Variants in GALK2 observed in about 807,000 individuals in gnomAD.
GALK2 encodes galactokinase 2.
A neutral mutation model predicts 52.4 loss-of-function variants in GALK2; 36 were observed. The ratio of observed to expected loss-of-function variants is 0.69; its 90% CI spans 0.53 to 0.91. The LOEUF is 0.91. GALK2 is among the 40% of genes least tolerant of loss of function. The pLI is 0.00. For missense variants in GALK2, 579 were observed against 559.1 expected (o/e 1.04, Z -0.36); for synonymous variants, 176 against 199.1 (o/e 0.88, Z 0.98).
intron 1 of GALK2, among the ~76,000 whole-genome samples, chr15:49,186,667 T>A (rs973087374): frequency 6.6e-6 from 1 of 151,466 alleles, no homozygotes; most frequent in African/African-American, 2.4e-5. Context: ...AACCTCCGAG[T>A]AGCTGGGACT....
chr15:49,344,689 T>A (rs111379796), intron 3 of GALK2, among the ~76,000 whole-genome samples: 2,067 of 152,290 alleles, frequency 0.014, 30 homozygotes, highest in Middle Eastern at 0.068. Flanking sequence ...AAACAAGAAG[T>A]CTGCAATCTC....
chr15:49,159,325 C>T (rs1005466174), intron 1 of GALK2, among the ~76,000 whole-genome samples: 1 of 152,074 alleles, frequency 6.6e-6, no homozygotes, highest in Non-Finnish European at 1.5e-5. Flanking sequence ...CCTGTAATCC[C>T]AGCACTTTGG....
At chr15:49,307,420 A>G (rs939276131) in intron 8 of GALK2, among the ~76,000 whole-genome samples, 10 of 152,308 alleles carry the variant, frequency 6.6e-5, no homozygotes, top group African/African-American at 2.2e-4. Flanking sequence ...CAATTTGGGA[A>G]GTTTGTTATG....
chr15:49,230,984 A>C (rs567690461), intron 3 of GALK2, among the ~76,000 whole-genome samples: 1 of 152,222 alleles, frequency 6.6e-6, no homozygotes, highest in South Asian at 2.1e-4. Context: ...AAGATCAATA[A>C]CTAATCAAAA....
chr15:49,262,864 T>C (rs1393076959), intron 5 of GALK2, among the ~76,000 whole-genome samples: 1 of 143,576 alleles, frequency 7.0e-6, no homozygotes, highest in African/African-American at 2.6e-5. Context: ...TCAGTTTCCA[T>C]GTAGTTGAGC....
intron 5 of GALK2, among the ~76,000 whole-genome samples, chr15:49,281,605 G>C (rs1391673748): frequency 2.0e-5 from 3 of 152,150 alleles, no homozygotes; most frequent in African/African-American, 7.2e-5. Context: ...TGGAATAGTA[G>C]TTCACTGTTG....
At chr15:49,217,507 A>G (rs1181364490) in intron 3 of GALK2, among the ~76,000 whole-genome samples, 194 bp downstream of exon 3, 1 of 152,226 alleles carries the variant, frequency 6.6e-6, no homozygotes, top group Non-Finnish European at 1.5e-5. Context: ...AATATTTATC[A>G]AAGACTTATC....
chr15:49,208,467 G>T (rs113804499), intron 2 of GALK2, among the ~76,000 whole-genome samples: 28,399 of 152,122 alleles, frequency 0.19, 2,808 homozygotes, highest in Non-Finnish European at 0.21. Flanking sequence ...GGTTTTGAAG[G>T]TTCCTTTTAT....
chr15:49,196,011 G>C (rs1206420611), intron 1 of GALK2, among the ~76,000 whole-genome samples: 1 of 151,852 alleles, frequency 6.6e-6, no homozygotes, highest in African/African-American at 2.4e-5. Flanking sequence ...TTTTCCCTTT[G>C]TTATTTTTTT....
At chr15:49,227,649 A>G (rs775725460) in intron 3 of GALK2, among the ~76,000 whole-genome samples, 1 of 151,948 alleles carries the variant, frequency 6.6e-6, no homozygotes, top group African/African-American at 2.4e-5. Flanking sequence ...TATTATTGAT[A>G]TGGGAGGGCT....
intron 4 of GALK2, 67 bp downstream of exon 4, chr15:49,236,008 T>G: frequency 1.1e-6 from 1 of 935,128 alleles, no homozygotes; most frequent in Middle Eastern, 2.7e-4. Flanking sequence ...AGATTTATTT[T>G]ATTTACTACA....
chr15:49,195,009 A>G (rs2087090045), intron 1 of GALK2: 3 of 411,098 alleles, frequency 7.3e-6, no homozygotes, highest in Non-Finnish European at 1.4e-5. Flanking sequence ...TGGGAGAACT[A>G]CATCTTTATG....
intron 3 of GALK2, among the ~76,000 whole-genome samples, chr15:49,226,252 T>C (rs576630239): frequency 6.6e-6 from 1 of 152,256 alleles, no homozygotes; most frequent in East Asian, 1.9e-4. Flanking sequence ...GTACCTAGGA[T>C]TGGAGATCTG....
chr15:49,344,489 T>G (rs997131969), intron 3 of GALK2, among the ~76,000 whole-genome samples: 10 of 152,216 alleles, frequency 6.6e-5, no homozygotes, highest in African/African-American at 2.2e-4. Flanking sequence ...AATCACTAGT[T>G]TCTCCTCTCA....
upstream of GALK2, among the ~76,000 whole-genome samples, chr15:49,169,367 G>C (rs79702941): frequency 0.012 from 1,819 of 151,980 alleles, 16 homozygotes; most frequent in Non-Finnish European, 0.016. Context: ...AGAGTTAATA[G>C]ATCTGAATTT....
At chr15:49,234,656 A>AC (rs1372679935) in intron 3 of GALK2, among the ~76,000 whole-genome samples, 2 of 151,868 alleles carry the variant, frequency 1.3e-5, no homozygotes, top group Non-Finnish European at 2.9e-5. Context: ...AGAAAGATCC[A>AC]CCCCCCATGA....
At chr15:49,187,133 A>G (rs2086410318) in intron 1 of GALK2, among the ~76,000 whole-genome samples, 1 of 152,188 alleles carries the variant, frequency 6.6e-6, no homozygotes, top group African/African-American at 2.4e-5. Flanking sequence ...TGGTCACTGC[A>G]GCTATATCTT....
chr15:49,228,688 T>TATATATATATATG, intron 3 of GALK2, among the ~76,000 whole-genome samples: 1 of 10,450 alleles, frequency 9.6e-5, no homozygotes, highest in Admixed American at 1.5e-3. Flanking sequence ...TATATATATA[T>TATATATATATATG]TTTTTTTTTT....
chr15:49,192,540 T>G (rs559387731), intron 1 of GALK2, among the ~76,000 whole-genome samples: 1 of 139,658 alleles, frequency 7.2e-6, no homozygotes, highest in East Asian at 2.1e-4. Flanking sequence ...GAGGTGTATC[T>G]TCAGGGCAAA....
Sources: gnomAD v4.1 joint callset for allele counts (sites outside exome capture counted in the v4.1 genomes callset) on GRCh38, gnomAD v4.1.1 for gene constraint, MANE v1.5 for transcripts, NCBI Gene and HGNC (gene_info 2026-07-23, HGNC 2026-07-21) for gene names.